Variants in IFFO2 observed in about 807,000 individuals in gnomAD.
IFFO2 encodes intermediate filament family orphan 2.
IFFO2 carries 19 observed loss-of-function variants against 53.5 expected under a neutral mutation model. That is an observed-to-expected ratio of 0.36 (90% CI 0.25 to 0.52). The LOEUF is 0.52. Among genes scored for constraint, IFFO2 ranks in the 20% least tolerant of loss-of-function variants. IFFO2 has a pLI of 0.94. For synonymous variants in IFFO2, 303 were observed against 313.6 expected (o/e 0.97, Z 0.36); for missense variants, 570 against 727.4 (o/e 0.78, Z 2.49).
rs1936610835 is a variant in IFFO2, at chr1:18,947,949, C to T, written c.665+7719G>A. On this transcript the variant is annotated intron_variant, in intron 1 of 8. Coordinates refer to ENST00000455833, the MANE Select transcript of IFFO2 (RefSeq NM_001136265.2). The surrounding 1 kb of genome is among the most constrained non-coding windows in gnomAD (Gnocchi z 5.0). The stretch of plus-strand genomic sequence containing the variant: ...CCTCCAGGGGCATGGGACAAGGCCA[C>T]CTCCTGGGAGGAGCACTGACCTTGG... Among the ~76,000 whole-genome samples the T allele has an allele frequency of 6.6e-6, 1 of 152,238 alleles. No homozygotes were observed. Among genetic ancestry groups the T allele is most frequent in the Non-Finnish European group, 1.5e-5 (1 of 68,036 alleles).
chr1:18,938,408 C>T (rs1936476774), intron 1 of IFFO2, among the ~76,000 whole-genome samples: 1 of 152,220 alleles, frequency 6.6e-6, no homozygotes, highest in Non-Finnish European at 1.5e-5. Context: ...GGCTGAGCTG[C>T]ACCATGCTTC....
chr1:18,932,226 T>C (rs1557645358), intron 1 of IFFO2, among the ~76,000 whole-genome samples: 1 of 152,228 alleles, frequency 6.6e-6, no homozygotes, highest in South Asian at 2.1e-4. Flanking sequence ...AAGGAGGGTA[T>C]ACACAGGCTC....
intron 1 of IFFO2, among the ~76,000 whole-genome samples, chr1:18,945,484 G>A (rs542661584): frequency 5.3e-5 from 8 of 152,310 alleles, no homozygotes; most frequent in South Asian, 2.1e-4. Flanking sequence ...GCAAACAGGC[G>A]GCAGTGAGCC....
At position 18,908,141 on chromosome 1, in the gene IFFO2, G is replaced by A. The variant is rs931548810; in HGVS notation, c.*420C>T. The A allele has an allele frequency of 2.3e-5, 5 of 215,584 alleles. No homozygotes were observed. The East Asian group carries it at 5.5e-4, about 24-fold the overall frequency. The allele number at this position is 215,584 out of a possible 1,614,324, so 13.4% of individuals were successfully genotyped here. A position where few individuals can be genotyped will look rare whatever the true frequency, so the allele number is the denominator to read the frequency against. ...TAGCCCATGGCCAATCAGAGGAGCA[G>A]GTGGGACGGACGGCAGAAACCACAT... On this transcript the variant is annotated 3_prime_UTR_variant, in exon 9 of 9. Transcript: ENST00000455833.
Position 18,936,955 on chromosome 1 carries a change from C to CAAA in IFFO2, c.666-15837_666-15835dup, listed in dbSNP as rs58010345. 2.0e-4 allele frequency among the ~76,000 whole-genome samples: 27 copies of CAAA among 137,794 alleles called. No homozygotes were observed. The highest frequency in any genetic ancestry group is 4.6e-4 in the African/African-American group (17 of 37,324). 90.4% of individuals were successfully genotyped at this position (137,794 alleles called of 152,430 possible). A position where few individuals can be genotyped will look rare whatever the true frequency, so the allele number is the denominator to read the frequency against. On this transcript the variant is annotated intron_variant, in intron 1 of 8. Coordinates refer to ENST00000455833, the MANE Select transcript of IFFO2 (RefSeq NM_001136265.2). The surrounding 1 kb of genome is among the most constrained non-coding windows in gnomAD (Gnocchi z 4.5). ...AAACACAAACTGGCTGCAGGTGGGG[C>CAAA]AAAAAAAAAAAAAAAGCACAGAACA... is the stretch of plus-strand genomic sequence containing the variant.
In IFFO2 at chr1:18,918,025, G is replaced by A. The variant is rs1395671408; in HGVS notation, c.963+337C>T. 6.6e-6 allele frequency among the ~76,000 whole-genome samples: 1 copy of A among 152,256 alleles called. No individual in the cohort carries two copies. Among genetic ancestry groups the A allele is most frequent in the Non-Finnish European group, 1.5e-5 (1 of 68,044 alleles). On this transcript the variant is annotated intron_variant, in intron 4 of 8. Transcript: ENST00000455833. The surrounding 1 kb of genome is among the most constrained non-coding windows in gnomAD (Gnocchi z 5.2). ...GTTCTGGCACCCAGAGGAAGGGGCA[G>A]GAAGCGGGACAATGGGTACAGTGTG...
chr1:18,918,298 G>T lies in IFFO2; in HGVS notation c.963+64C>A, dbSNP rs1569838861. 6.6e-7 allele frequency: 1 copy of T among 1,506,038 alleles called. No individual in the cohort carries two copies. Among genetic ancestry groups the T allele is most frequent in the Non-Finnish European group, 9.0e-7 (1 of 1,110,564 alleles). The allele number at this position is 1,506,038 out of a possible 1,614,324, so 93.3% of individuals were successfully genotyped here. A position where few individuals can be genotyped will look rare whatever the true frequency, so the allele number is the denominator to read the frequency against. On this transcript the variant is annotated intron_variant, in intron 4 of 8. Transcript: ENST00000455833. This position sits in a 1 kb window ranked among gnomAD's most constrained non-coding sequence, Gnocchi z 5.2. ...AGGCAAACGGGTTGGCCGGGCAGGG[G>T]TGGAGGCCAGGGCTGCTCTGGGAGA...
In IFFO2 at chr1:18,947,991, C is replaced by T. The variant is rs1187198277; in HGVS notation, c.665+7677G>A. ...TGACCTTGGGGTCCAGAGACCCAGA[C>T]GGACTCGTGGCGAGATCTGGGACAG... is the stretch of plus-strand genomic sequence containing the variant. On this transcript the variant is annotated intron_variant, in intron 1 of 8. Transcript: ENST00000455833. This position sits in a 1 kb window ranked among gnomAD's most constrained non-coding sequence, Gnocchi z 5.0. Among the ~76,000 whole-genome samples, 4 of 152,182 alleles carry T rather than the reference C, an allele frequency of 2.6e-5. No homozygotes were observed. The highest frequency in any genetic ancestry group is 2.1e-4 in the South Asian group (1 of 4,826).
intron 1 of IFFO2, among the ~76,000 whole-genome samples, chr1:18,922,014 A>T (rs2148169426): frequency 6.6e-6 from 1 of 152,242 alleles, no homozygotes; most frequent in Admixed American, 6.5e-5. Flanking sequence ...CATGAAGTTA[A>T]TTCAATCCTC....
intron 1 of IFFO2, among the ~76,000 whole-genome samples, chr1:18,926,400 C>T (rs183464665): frequency 1.3e-5 from 2 of 152,190 alleles, no homozygotes. Flanking sequence ...CTTCCCTTTC[C>T]CACTTCCCAC....
Position 18,911,957 on chromosome 1 carries a change from G to A in IFFO2, c.1224+6C>T. On this transcript the variant is annotated splice_donor_region_variant and intron_variant, in intron 6 of 8. Coordinates refer to ENST00000455833, the MANE Select transcript of IFFO2 (RefSeq NM_001136265.2). The stretch of plus-strand genomic sequence containing the variant: ...TGGCCTTTGGGAAGCCAGGCGCTGG[G>A]CTTACCTCGCCCTGCAGGTCGATGG... 6.4e-7 allele frequency: 1 copy of A among 1,551,566 alleles called. No individual in the cohort carries two copies. Among genetic ancestry groups the A allele is most frequent in the Non-Finnish European group, 8.7e-7 (1 of 1,146,938 alleles).
rs1398759190 is a variant in IFFO2 at position 18,916,975 on chromosome 1, A to G, written c.1031T>C (p.Val344Ala). 2.6e-6 allele frequency: 4 copies of G among 1,551,824 alleles called. No individual in the cohort carries two copies. Among genetic ancestry groups the G allele is most frequent in the Non-Finnish European group, 3.5e-6 (4 of 1,147,054 alleles). ...GACCTCATCGTCCGAGAACCGGTTCACCTCCCCGTCCTGCTCAGAGATGTC... is the reference window on the plus strand; with the variant it reads ...GACCTCATCGTCCGAGAACCGGTTCGCCTCCCCGTCCTGCTCAGAGATGTC... The part of the protein sequence containing the change: ...DDDISEQDGE[V>A]NRFSDDEVGS... The change falls in exon 5 of 9, where the codon GTG becomes GCG. Residue 344 changes from valine to alanine, a missense_variant. Coordinates refer to ENST00000455833, the MANE Select transcript of IFFO2 (RefSeq NM_001136265.2). The surrounding 1 kb of genome is among the most constrained non-coding windows in gnomAD (Gnocchi z 4.3).
At position 18,956,378 on chromosome 1, in the gene IFFO2, C is replaced by A; in HGVS notation, c.-46G>T. The A allele has an allele frequency of 4.9e-6, 1 of 203,292 alleles. No individual in the cohort carries two copies. 12.6% of individuals were successfully genotyped at this position (203,292 alleles called of 1,614,324 possible). The stretch of plus-strand genomic sequence containing the variant: ...GGCCCCGGGCCCGCGGCTCCAGGTG[C>A]GGCTCCAGCTCCGGGCAGGGCTCCC... On this transcript the variant is annotated 5_prime_UTR_variant, in exon 1 of 9. Coordinates refer to ENST00000455833, the MANE Select transcript of IFFO2 (RefSeq NM_001136265.2). This position sits in a 1 kb window ranked among gnomAD's most constrained non-coding sequence, Gnocchi z 6.4.
At chr1:18,948,414 T>C (rs569852209) in intron 1 of IFFO2, among the ~76,000 whole-genome samples, 224 of 152,340 alleles carry the variant, frequency 1.5e-3, no homozygotes, top group African/African-American at 4.9e-3. Flanking sequence ...GTGGGCATAG[T>C]GAAGCTCAGA....
Position 18,930,537 on chromosome 1 carries a change from C to T in IFFO2, c.666-9416G>A, listed in dbSNP as rs540761593. On this transcript the variant is annotated intron_variant, in intron 1 of 8. Transcript: ENST00000455833. ...CAAAACCCACTGAAAACCCTGCTTT[C>T]ACCGTCCACACCCCATAGACATACC... 2.2e-4 allele frequency among the ~76,000 whole-genome samples: 33 copies of T among 152,348 alleles called. No homozygotes were observed. The South Asian group carries it at 5.6e-3, about 26-fold the overall frequency.
rs966424592 is a variant in IFFO2, at chr1:18,928,116, G to C, written c.666-6995C>G. On this transcript the variant is annotated intron_variant, in intron 1 of 8. Transcript: ENST00000455833. This position sits in a 1 kb window ranked among gnomAD's most constrained non-coding sequence, Gnocchi z 4.9. ...CTCCCACATGGCACGCTGCAAGCCC[G>C]TCTTCTCCCCCGAAAATGGACAGCC... is the stretch of plus-strand genomic sequence containing the variant. 6.6e-6 allele frequency among the ~76,000 whole-genome samples: 1 copy of C among 152,146 alleles called. No individual in the cohort carries two copies. Among genetic ancestry groups the C allele is most frequent in the Non-Finnish European group, 1.5e-5 (1 of 68,036 alleles).
rs1208556227 is a variant in IFFO2, at chr1:18,917,744, G to C, written c.963+618C>G. 6.6e-6 allele frequency among the ~76,000 whole-genome samples: 1 copy of C among 151,886 alleles called. No individual in the cohort carries two copies. Among genetic ancestry groups the C allele is most frequent in the Non-Finnish European group, 1.5e-5 (1 of 68,002 alleles). The stretch of plus-strand genomic sequence containing the variant: ...TCGGAGAATGACATGTGCCTCATTC[G>C]GCTGGACTGGCCCCCCAAGCCCTCT... On this transcript the variant is annotated intron_variant, in intron 4 of 8. Coordinates refer to ENST00000455833, the MANE Select transcript of IFFO2 (RefSeq NM_001136265.2). This position sits in a 1 kb window ranked among gnomAD's most constrained non-coding sequence, Gnocchi z 5.9.
intron 1 of IFFO2, among the ~76,000 whole-genome samples, chr1:18,932,383 G>A (rs1283063158): frequency 6.6e-6 from 1 of 152,178 alleles, no homozygotes; most frequent in South Asian, 2.1e-4. Context: ...GGGTTGCGGG[G>A]AGGCTGCAGC....
intron 1 of IFFO2, among the ~76,000 whole-genome samples, chr1:18,954,054 A>G (rs1490582919): frequency 6.6e-6 from 1 of 152,234 alleles, no homozygotes; most frequent in Non-Finnish European, 1.5e-5. Flanking sequence ...AGGGGCGGCG[A>G]GGTGGCCTCC....
Sources: allele counts gnomAD v4.1 joint callset (sites outside exome capture counted in the v4.1 genomes callset), GRCh38; gene constraint gnomAD v4.1.1; non-coding constraint Gnocchi (gnomAD v3.1); transcripts MANE v1.5; gene names NCBI Gene and HGNC (gene_info 2026-07-23, HGNC 2026-07-21).